The following WDR41 variants were observed in gnomAD, a reference collection of about 807,000 sequenced individuals.
The protein encoded by WDR41 is WD repeat domain 41, also known as WD repeat-containing protein 41.
A neutral mutation model predicts 69.3 loss-of-function variants in WDR41; 63 were observed. The ratio of observed to expected loss-of-function variants is 0.91; its 90% CI spans 0.74 to 1.12. The LOEUF (loss-of-function observed/expected upper bound fraction) is 1.12. Ranked by LOEUF, WDR41 falls within the 50% of genes most tolerant of loss-of-function variation. The pLI, the probability that WDR41 is intolerant of heterozygous loss-of-function variation, is 0.00. For missense variants in WDR41, 543 were observed against 534.5 expected, an observed-to-expected ratio of 1.02 and a Z score of -0.16; for synonymous variants, 185 against 192.1, an observed-to-expected ratio of 0.96 and a Z score of 0.31.
At chr5:77,513,956 C>G (rs1428074397) in intron 1 of WDR41, among the ~76,000 whole-genome samples, 1 of 127,186 alleles carries the variant, frequency 7.9e-6, no homozygotes, top group Non-Finnish European at 1.6e-5. Context: ...TATTTTTCTT[C>G]TTTTGTTTTA....
At chr5:77,589,813 T>C (rs938892828) in intron 1 of WDR41, among the ~76,000 whole-genome samples, 9 of 152,184 alleles carry the variant, frequency 5.9e-5, no homozygotes, top group African/African-American at 2.2e-4. Context: ...CCTTATAATA[T>C]TTATTTTTCT....
intron 1 of WDR41, among the ~76,000 whole-genome samples, chr5:77,509,640 A>G (rs1380543152): frequency 2.6e-5 from 4 of 152,212 alleles, no homozygotes; most frequent in Non-Finnish European, 5.9e-5. Flanking sequence ...AGTCCAGAAT[A>G]GGGAATCTAT....
At chr5:77,600,981 T>C (rs1744313968) in intron 1 of WDR41, among the ~76,000 whole-genome samples, 1 of 147,702 alleles carries the variant, frequency 6.8e-6, no homozygotes, top group Non-Finnish European at 1.5e-5. Context: ...ATAAACAGTG[T>C]GTATCTAGTC....
upstream of WDR41, among the ~76,000 whole-genome samples, chr5:77,493,042 A>G (rs1801876455): frequency 6.6e-6 from 1 of 152,138 alleles, no homozygotes; most frequent in Non-Finnish European, 1.5e-5. Flanking sequence ...TAGGTAGTCA[A>G]AGGGCTGTGG....
intron 1 of WDR41, among the ~76,000 whole-genome samples, chr5:77,549,588 AG>A (rs552784059): frequency 1.2e-4 from 18 of 152,310 alleles, no homozygotes; most frequent in Admixed American, 1.0e-3. Context: ...CTCTATGAGG[AG>A]AACTACAAAA....
At chr5:77,476,638 C>T (rs1214554054) in intron 2 of WDR41, among the ~76,000 whole-genome samples, 2 of 151,900 alleles carry the variant, frequency 1.3e-5, no homozygotes, top group East Asian at 3.9e-4. Context: ...GATTCTGTCA[C>T]CACCAGGCCT....
At chr5:77,544,598 C>T (rs567626870) in intron 1 of WDR41, among the ~76,000 whole-genome samples, 1 of 151,986 alleles carries the variant, frequency 6.6e-6, no homozygotes, top group Non-Finnish European at 1.5e-5. Context: ...TAATAAAAGG[C>T]CTTGTCCAAG....
intron 2 of WDR41, among the ~76,000 whole-genome samples, chr5:77,476,690 G>A (rs1415032441): frequency 4.0e-5 from 6 of 151,544 alleles, no homozygotes; most frequent in African/African-American, 1.5e-4. Context: ...ACATGGAAAG[G>A]AACAACCAGT....
intron 2 of WDR41, among the ~76,000 whole-genome samples, chr5:77,478,053 G>A (rs542901674): frequency 1.3e-5 from 2 of 152,230 alleles, no homozygotes; most frequent in Admixed American, 6.5e-5. Context: ...ACACCTCTAC[G>A]CAAATAAACT....
At chr5:77,522,426 G>A (rs1228023345) in intron 1 of WDR41, among the ~76,000 whole-genome samples, 1 of 152,120 alleles carries the variant, frequency 6.6e-6, no homozygotes, top group Non-Finnish European at 1.5e-5. Flanking sequence ...CGGATCACAA[G>A]GTCAGGAGAT....
intron 6 of WDR41, chr5:77,451,747 C>G (rs78671534): frequency 0.033 from 5,508 of 166,996 alleles, 125 homozygotes; most frequent in Middle Eastern, 0.092. Flanking sequence ...ACTTTAGAAG[C>G]CTGAGCAGGC....
intron 2 of WDR41, among the ~76,000 whole-genome samples, chr5:77,483,330 G>T (rs1003063667): frequency 6.6e-6 from 1 of 151,688 alleles, no homozygotes; most frequent in African/African-American, 2.4e-5. Flanking sequence ...ATAGAGACAT[G>T]GTTTTGCCAT....
chr5:77,582,311 A>ATGT, intron 1 of WDR41: 1 of 1,443,138 alleles, frequency 6.9e-7, no homozygotes, highest in South Asian at 1.2e-5. Context: ...ATATGCATAG[A>ATGT]TATATAACAA....
intron 1 of WDR41, among the ~76,000 whole-genome samples, chr5:77,590,086 G>A (rs554554430): frequency 6.6e-6 from 1 of 151,940 alleles, no homozygotes; most frequent in Non-Finnish European, 1.5e-5. Flanking sequence ...ATATGGAGGA[G>A]GTTTTTTGTC....
chr5:77,482,859 G>GAA (rs200988288), intron 2 of WDR41, among the ~76,000 whole-genome samples: 5 of 107,070 alleles, frequency 4.7e-5, no homozygotes, highest in Admixed American at 1.0e-4. Flanking sequence ...ACATCTACCT[G>GAA]AAAAAAAAAA....
intron 9 of WDR41, among the ~76,000 whole-genome samples, chr5:77,440,164 C>T (rs1242352747): frequency 1.3e-5 from 2 of 152,142 alleles, no homozygotes; most frequent in South Asian, 2.1e-4. Flanking sequence ...AAAAGCCTCC[C>T]CAACTCCTTC....
chr5:77,600,335 A>T (rs1433219696), intron 1 of WDR41, among the ~76,000 whole-genome samples: 1 of 152,238 alleles, frequency 6.6e-6, no homozygotes, highest in Non-Finnish European at 1.5e-5. Context: ...TAAGTGAAAG[A>T]AGCTAAACTC....
intron 1 of WDR41, among the ~76,000 whole-genome samples, chr5:77,529,257 A>G (rs1802489753): frequency 6.6e-6 from 1 of 151,542 alleles, no homozygotes; most frequent in South Asian, 2.1e-4. Context: ...AAACAAATAG[A>G]CACTTTAAGA....
rs969664827 is a variant in WDR41 at position 77,502,933 on chromosome 5, C to T, written c.43-13361G>A. Among the ~76,000 whole-genome samples, 12 of 152,078 alleles carry T rather than the reference C, an allele frequency of 7.9e-5. No homozygotes were observed. In the East Asian group the frequency reaches 1.2e-3, roughly 15 times the overall value. ...AAACATGCCAAATTGTAAAGACCAT[C>T]AATGCTATGAAGAAACTGCATCAAT... On this transcript the variant is annotated intron_variant, in intron 1 of 5. Transcript: ENST00000509971.
Sources: allele counts gnomAD v4.1 joint callset (sites outside exome capture counted in the v4.1 genomes callset), GRCh38; gene constraint gnomAD v4.1.1; transcripts MANE v1.5; gene names NCBI Gene and HGNC (gene_info 2026-07-23, HGNC 2026-07-21).